The following C6orf132 variants were observed in gnomAD, a reference collection of about 807,000 sequenced individuals.
C6orf132 encodes the protein uncharacterized protein C6orf132.
C6orf132 carries 43 observed loss-of-function variants against 65.3 expected under a neutral mutation model. The ratio of observed to expected loss-of-function variants is 0.66; its 90% confidence interval spans 0.52 to 0.85. The LOEUF is 0.85. Ranked by LOEUF, C6orf132 falls within the 40% of genes least tolerant of loss-of-function variation. The probability of loss-of-function intolerance (pLI) is 0.00; values close to 1 mark genes in which losing one functional copy is unlikely to be tolerated. For missense variants in C6orf132, 1,488 were observed against 1,548.8 expected (o/e 0.96, Z 0.66); for synonymous variants, 631 against 654.1 (o/e 0.96, Z 0.54).
chr6:42,131,254 C>A (rs1232443370), intron 1 of C6orf132, among the ~76,000 whole-genome samples: 1 of 148,222 alleles, frequency 6.7e-6, no homozygotes, highest in African/African-American at 2.5e-5. Context: ...CTGCTGAACT[C>A]AGGTGATCTA....
intron 1 of C6orf132, among the ~76,000 whole-genome samples, chr6:42,129,122 G>A (rs914015235): frequency 4.6e-5 from 7 of 152,210 alleles, no homozygotes; most frequent in Non-Finnish European, 1.0e-4. Context: ...CCGGCTAAGG[G>A]CCCAGCTGAA....
chr6:42,121,898 C>T (rs1241085377), intron 2 of C6orf132, among the ~76,000 whole-genome samples: 1 of 152,184 alleles, frequency 6.6e-6, no homozygotes, highest in African/African-American at 2.4e-5. Flanking sequence ...GAAACCCCTC[C>T]AGGCACCCAA....
chr6:42,120,811 C>T (rs747102962), intron 2 of C6orf132, among the ~76,000 whole-genome samples: 6 of 152,012 alleles, frequency 3.9e-5, no homozygotes, highest in Non-Finnish European at 8.8e-5. Context: ...TTAGTAGAGA[C>T]GGGGTTTCAT....
In C6orf132 at chr6:42,103,757, T is replaced by C; in HGVS notation, c.*4A>G. ...GTTGGAGTAGAGCTAAGAGAACCCC[T>C]GGCTCAGGAGGTGGCTTTCCGATGG... On this transcript the variant is annotated 3_prime_UTR_variant, in exon 5 of 5. Transcript: ENST00000341865. 1 of 1,396,264 alleles carries C rather than the reference T, an allele frequency of 7.2e-7. No homozygotes were observed. The highest frequency in any genetic ancestry group is 9.3e-7 in the Non-Finnish European group (1 of 1,072,452). 86.5% of individuals were successfully genotyped at this position (1,396,264 alleles called of 1,614,324 possible). A position where few individuals can be genotyped will look rare whatever the true frequency, so the allele number is the denominator to read the frequency against.
intron 2 of C6orf132, among the ~76,000 whole-genome samples, chr6:42,111,743 G>C (rs895291016): frequency 6.6e-6 from 1 of 152,132 alleles, no homozygotes; most frequent in African/African-American, 2.4e-5. Context: ...AATATTTATA[G>C]CTCTACAGAT....
intron 2 of C6orf132, among the ~76,000 whole-genome samples, chr6:42,120,658 C>T (rs1161842566): frequency 1.3e-5 from 2 of 150,932 alleles, no homozygotes; most frequent in Middle Eastern, 3.5e-3. Flanking sequence ...GACGGAGTCT[C>T]GCTCTGTCAC....
Position 42,106,779 on chromosome 6 carries a change from T to C in C6orf132, c.1133A>G (p.Gln378Arg). The change falls in exon 4 of 5, where the codon CAG becomes CGG. Residue 378 changes from glutamine to arginine, a missense_variant. Coordinates refer to ENST00000341865, the MANE Select transcript of C6orf132 (RefSeq NM_001164446.3). Reference sequence around the variant, plus strand: ...TCGTTCATCTGCTTGGGACTGGGACTGGCCAAGCCTTGGGCTGGCTGGTGC... The same window carrying C: ...TCGTTCATCTGCTTGGGACTGGGACCGGCCAAGCCTTGGGCTGGCTGGTGC... ...ATAPASPRLG[Q>R]SQSQADERAG... 6.5e-7 allele frequency: 1 copy of C among 1,533,932 alleles called. No individual in the cohort carries two copies. The highest frequency in any genetic ancestry group is 1.2e-5 in the South Asian group (1 of 83,906).
chr6:42,104,380 T>C lies in C6orf132; in HGVS notation c.3449+83A>G. 8.2e-7 allele frequency: 1 copy of C among 1,225,490 alleles called. No individual in the cohort carries two copies. The highest frequency in any genetic ancestry group is 1.0e-6 in the Non-Finnish European group (1 of 984,316). 75.9% of individuals were successfully genotyped at this position (1,225,490 alleles called of 1,614,324 possible). ...AAGGGAGAAAACCAAATGTTTTCTC[T>C]TGACGGATGGCCGGGACTCCTTGGC... On this transcript the variant is annotated intron_variant, in intron 4 of 4. Transcript: ENST00000341865. This position sits in a 1 kb window ranked among gnomAD's most constrained non-coding sequence, Gnocchi z 4.1.
chr6:42,115,061 G>A (rs1277545534), intron 2 of C6orf132, among the ~76,000 whole-genome samples: 2 of 150,348 alleles, frequency 1.3e-5, no homozygotes, highest in Non-Finnish European at 3.0e-5. Flanking sequence ...AGAACTTTGG[G>A]AGGCTGAGGT....
At position 42,102,501 on chromosome 6, in the gene C6orf132, A is replaced by AG. The variant is rs1285566970; in HGVS notation, c.*1259dup. 1 of 151,504 alleles carries AG rather than the reference A, an allele frequency of 6.6e-6. No homozygotes were observed. Among genetic ancestry groups the AG allele is most frequent in the Non-Finnish European group, 1.5e-5 (1 of 68,038 alleles). 9.4% of individuals were successfully genotyped at this position (151,504 alleles called of 1,614,324 possible). The stretch of plus-strand genomic sequence containing the variant: ...CAGCCTCCCAAAGTGCTAGAATTAC[A>AG]GGTGTGAGCCACCATGCCCAGCCAG... On this transcript the variant is annotated 3_prime_UTR_variant, in exon 5 of 5. Transcript: ENST00000341865.
Position 42,133,255 on chromosome 6 carries a change from G to C in C6orf132, c.146-4477C>G, listed in dbSNP as rs868684154. Among the ~76,000 whole-genome samples the C allele has an allele frequency of 2.6e-5, 4 of 152,250 alleles. 1 individual carries two copies. The South Asian group carries it at 8.3e-4, about 31-fold the overall frequency. On this transcript the variant is annotated intron_variant, in intron 1 of 4. Coordinates refer to ENST00000341865, the MANE Select transcript of C6orf132 (RefSeq NM_001164446.3). The stretch of plus-strand genomic sequence containing the variant: ...AAGGAGGGGCGAGGAGGAGGTGAAG[G>C]GGGTGCCTGGAGAGGAGGCTGGATG...
At chr6:42,131,922 G>A (rs1023842384) in intron 1 of C6orf132, among the ~76,000 whole-genome samples, 4 of 152,212 alleles carry the variant, frequency 2.6e-5, no homozygotes, top group East Asian at 1.9e-4. Flanking sequence ...CTGGAAAATC[G>A]GATTTGATTT....
Position 42,105,058 on chromosome 6 carries a change from A to C in C6orf132, c.2854T>G (p.Ser952Ala). 6.5e-7 allele frequency: 1 copy of C among 1,536,668 alleles called. No homozygotes were observed. The highest frequency in any genetic ancestry group is 8.7e-7 in the Non-Finnish European group (1 of 1,146,776). ...APVAWERVAP[S>A]NLPQGHPLPK... is the part of the protein sequence containing the mutation. ...AGCGGGTGGCCCTGGGGGAGGTTGG[A>C]GGGAGCTACTCTTTCCCAGGCCACA... The change falls in exon 4 of 5, where the codon TCC becomes GCC. Residue 952 changes from serine to alanine, a missense_variant. By Grantham distance (99) the Ser-to-Ala change is moderately conservative. Coordinates refer to ENST00000341865, the MANE Select transcript of C6orf132 (RefSeq NM_001164446.3).
Position 42,138,877 on chromosome 6 carries a change from A to ACACACACACACACACACT in C6orf132, c.145+3422_145+3423insAGTGTGTGTGTGTGTGTG, listed in dbSNP as rs1158043144. Among the ~76,000 whole-genome samples, 40 of 151,854 alleles carry ACACACACACACACACACT rather than the reference A, an allele frequency of 2.6e-4. 1 individual carries two copies. The South Asian group carries it at 4.8e-3, about 18-fold the overall frequency. On this transcript the variant is annotated intron_variant, in intron 1 of 4. Coordinates refer to ENST00000341865, the MANE Select transcript of C6orf132 (RefSeq NM_001164446.3). The stretch of plus-strand genomic sequence containing the variant: ...CACACACACACACACACACACACAC[A>ACACACACACACACACACT]CACACTCGTGTGGCCTTGCTTGGGC...
rs1767056499 is a variant in C6orf132 at position 42,142,491 on chromosome 6, G to T, written c.-47C>A. ...GCCAGGGAAGGACCTTCCCTCCCTC[G>T]CCCTGCCCTGCCCCGGACTGAACTC... is the stretch of plus-strand genomic sequence containing the variant. On this transcript the variant is annotated 5_prime_UTR_variant, in exon 1 of 5. Coordinates refer to ENST00000341865, the MANE Select transcript of C6orf132 (RefSeq NM_001164446.3). 2 of 1,511,122 alleles carry T rather than the reference G, an allele frequency of 1.3e-6. No individual in the cohort carries two copies. Among genetic ancestry groups the T allele is most frequent in the East Asian group, 2.6e-5 (1 of 39,110 alleles). 93.6% of individuals were successfully genotyped at this position (1,511,122 alleles called of 1,614,324 possible). A position where few individuals can be genotyped will look rare whatever the true frequency, so the allele number is the denominator to read the frequency against.
intron 1 of C6orf132, among the ~76,000 whole-genome samples, chr6:42,140,070 C>A (rs1475554010): frequency 6.6e-6 from 1 of 152,250 alleles, no homozygotes; most frequent in African/African-American, 2.4e-5. Context: ...CCCAGTGGCA[C>A]CCCAGGGAAC....
chr6:42,110,443 A>G (rs543114323), intron 2 of C6orf132, among the ~76,000 whole-genome samples, 152 bp from the exon 3 acceptor site: 1 of 152,334 alleles, frequency 6.6e-6, no homozygotes, highest in Admixed American at 6.5e-5. Flanking sequence ...TAAAAGGCTG[A>G]TTTTAAAAAG....
intron 2 of C6orf132, among the ~76,000 whole-genome samples, chr6:42,120,063 C>T (rs1384211899): frequency 6.6e-6 from 1 of 151,676 alleles, no homozygotes; most frequent in Non-Finnish European, 1.5e-5. Context: ...CATTGCACCC[C>T]AGCCTGGGCA....
chr6:42,106,116 C>T lies in C6orf132; in HGVS notation c.1796G>A (p.Arg599Lys). Residue 599 changes from arginine to lysine, a missense_variant, in exon 4 of 5, where the codon AGA becomes AAA. Arg to Lys is a conservative substitution (Grantham distance 26). Transcript: ENST00000341865. The stretch of plus-strand genomic sequence containing the variant: ...ATCATCAGCCCCGTTTTCACAAATT[C>T]TTCCCCCTTCTAGCCGAGGCTTAGG... ...LPPKPRLEGGRICENGADDDK... is the reference protein window; with the variant it reads ...LPPKPRLEGGKICENGADDDK... 6.5e-7 allele frequency: 1 copy of T among 1,537,274 alleles called. No individual in the cohort carries two copies. The highest frequency in any genetic ancestry group is 8.7e-7 in the Non-Finnish European group (1 of 1,146,910).
Sources: allele counts gnomAD v4.1 joint callset (sites outside exome capture counted in the v4.1 genomes callset), GRCh38; gene constraint gnomAD v4.1.1; non-coding constraint Gnocchi (gnomAD v3.1); transcripts MANE v1.5; gene names NCBI Gene and HGNC (gene_info 2026-07-23, HGNC 2026-07-21).